HMG20A: variants seen among roughly 807,000 people sequenced by gnomAD.
HMG20A encodes high mobility group 20A, also known as high mobility group protein 20A.
Under a neutral mutation model 43.9 loss-of-function variants are expected in HMG20A, and 17 were observed. The observed-to-expected ratio is 0.39, with a 90% CI of 0.27 to 0.58. HMG20A has a LOEUF of 0.58. HMG20A is among the 20% of genes least tolerant of loss of function. The probability of loss-of-function intolerance (pLI) is 0.59; values close to 1 mark genes in which losing one functional copy is unlikely to be tolerated. For synonymous variants in HMG20A, 132 were observed against 147.5 expected (o/e 0.89, Z 0.76); for missense variants, 341 against 438.2 (o/e 0.78, Z 1.98).
the HMG20A span, among the ~76,000 whole-genome samples, chr15:77,495,977 GC>G: frequency 6.6e-6 from 1 of 152,130 alleles, no homozygotes; most frequent in African/African-American, 2.4e-5. Context: ...ACAAATTCCT[GC>G]CCCACTGGCT....
chr15:77,461,949 A>G (rs1339595624), intron 2 of HMG20A, among the ~76,000 whole-genome samples: 1 of 152,214 alleles, frequency 6.6e-6, no homozygotes, highest in Non-Finnish European at 1.5e-5. Context: ...AGAGAAAATG[A>G]TTGGCATTGA....
the HMG20A span, among the ~76,000 whole-genome samples, chr15:77,491,790 TAGA>T: frequency 6.6e-6 from 1 of 152,254 alleles, no homozygotes; most frequent in South Asian, 2.1e-4. Flanking sequence ...GACCTAGAGA[TAGA>T]AGTACATTTT....
chr15:77,491,104 G>A, the HMG20A span, among the ~76,000 whole-genome samples: 1 of 152,216 alleles, frequency 6.6e-6, no homozygotes, highest in Non-Finnish European at 1.5e-5. Context: ...AATGTTCTAG[G>A]ATATAAAAAT....
intron 3 of HMG20A, among the ~76,000 whole-genome samples, chr15:77,466,420 A>G (rs1240708334): frequency 6.6e-6 from 1 of 152,172 alleles, no homozygotes; most frequent in East Asian, 1.9e-4. Context: ...CTAAAGGAAC[A>G]AATTGTCAAG....
chr15:77,451,809 A>C (rs2072605959), intron 1 of HMG20A, among the ~76,000 whole-genome samples: 1 of 152,204 alleles, frequency 6.6e-6, no homozygotes, highest in African/African-American at 2.4e-5. Flanking sequence ...TTATATACAG[A>C]GGCCATGAAA....
chr15:77,489,028 T>A (rs1307710181), downstream of HMG20A, among the ~76,000 whole-genome samples: 1 of 152,260 alleles, frequency 6.6e-6, no homozygotes, highest in Non-Finnish European at 1.5e-5. Context: ...AACCACTGTA[T>A]GACTTAAGTT....
chr15:77,503,154 C>G, the HMG20A span, among the ~76,000 whole-genome samples: 3 of 152,154 alleles, frequency 2.0e-5, no homozygotes, highest in South Asian at 2.1e-4. Context: ...CCATGAAGTG[C>G]TGAAGACAAA....
the HMG20A span, among the ~76,000 whole-genome samples, chr15:77,490,726 T>C: frequency 1.3e-5 from 2 of 152,202 alleles, no homozygotes; most frequent in South Asian, 2.1e-4. Flanking sequence ...AGAGGTGCCA[T>C]GGCCTGAGAT....
At chr15:77,497,901 C>T in the HMG20A span, among the ~76,000 whole-genome samples, 29 of 151,600 alleles carry the variant, frequency 1.9e-4, no homozygotes, top group South Asian at 5.9e-3. Context: ...CCCAACCCGC[C>T]AAGCAACCCC....
intron 1 of HMG20A, among the ~76,000 whole-genome samples, chr15:77,447,567 A>G (rs2073688219): frequency 6.6e-6 from 1 of 152,188 alleles, no homozygotes; most frequent in African/African-American, 2.4e-5. Context: ...GTGGTTTTTA[A>G]GAAGATATCT....
At chr15:77,509,030 A>G in the HMG20A span, among the ~76,000 whole-genome samples, 1 of 152,132 alleles carries the variant, frequency 6.6e-6, no homozygotes, top group Non-Finnish European at 1.5e-5. Context: ...GGACCTGTGT[A>G]AGAGGTAGGG....
At chr15:77,478,851 T>C (rs538450346) in intron 8 of HMG20A, among the ~76,000 whole-genome samples, 1 of 152,352 alleles carries the variant, frequency 6.6e-6, no homozygotes, top group East Asian at 1.9e-4. Context: ...TTAGTTGTTT[T>C]TGTTTTAACG....
chr15:77,449,645 A>T (rs749397392), intron 1 of HMG20A, among the ~76,000 whole-genome samples: 3 of 152,186 alleles, frequency 2.0e-5, no homozygotes, highest in Non-Finnish European at 4.4e-5. Context: ...AAAATGAATG[A>T]ATGTTATATT....
chr15:77,429,337 G>A (rs1339107092), intron 1 of HMG20A, among the ~76,000 whole-genome samples: 1 of 151,936 alleles, frequency 6.6e-6, no homozygotes, highest in Admixed American at 6.6e-5. Flanking sequence ...GATTACTAGC[G>A]CTTGCCTGCT....
At chr15:77,502,902 C>T in the HMG20A span, among the ~76,000 whole-genome samples, 2,009 of 152,190 alleles carry the variant, frequency 0.013, 25 homozygotes, top group South Asian at 0.028. Context: ...CCCAGGAGTT[C>T]AAGGTTGCAG....
At position 77,479,274 on chromosome 15, in the gene HMG20A, A is replaced by C; in HGVS notation, c.1003A>C (p.Ile335Leu). Residue 335 changes from isoleucine (I) to leucine (L), a missense_variant, in exon 9 of 10, where the codon ATA becomes CTA. Transcript: ENST00000336216. ...LANPQDNENFIATVREVVNRL... is the reference protein window; with the variant it reads ...LANPQDNENFLATVREVVNRL... Reference sequence around the variant, plus strand: ...TAATCCCCAAGACAATGAAAACTTCATAGCTACAGTTCGAGAAGTTGTGAA... The same window carrying C: ...TAATCCCCAAGACAATGAAAACTTCCTAGCTACAGTTCGAGAAGTTGTGAA... 1 of 1,614,168 alleles carries C rather than the reference A, an allele frequency of 6.2e-7. No individual in the cohort carries two copies. Among genetic ancestry groups the C allele is most frequent in the South Asian group, 1.1e-5 (1 of 91,080 alleles).
At chr15:77,518,541 T>C in the HMG20A span, among the ~76,000 whole-genome samples, 1 of 152,166 alleles carries the variant, frequency 6.6e-6, no homozygotes, top group African/African-American at 2.4e-5. Context: ...TTAGAAACCA[T>C]CTGTGCCCCT....
chr15:77,462,855 C>T (rs1247588574), intron 2 of HMG20A, among the ~76,000 whole-genome samples: 2 of 151,072 alleles, frequency 1.3e-5, no homozygotes, highest in East Asian at 1.9e-4. Flanking sequence ...TCACTGCAAC[C>T]TCCCCTTCCC....
the HMG20A span, among the ~76,000 whole-genome samples, chr15:77,516,514 G>A: frequency 4.4e-4 from 67 of 152,214 alleles, no homozygotes; most frequent in African/African-American, 1.1e-3. Flanking sequence ...TCTAGGATGC[G>A]ATGAGGTCAC....
Sources: allele counts gnomAD v4.1 joint callset (sites outside exome capture counted in the v4.1 genomes callset), GRCh38; gene constraint gnomAD v4.1.1; transcripts MANE v1.5; gene names NCBI Gene and HGNC (gene_info 2026-07-23, HGNC 2026-07-21).